FLVCR2: variants seen among roughly 807,000 people sequenced by gnomAD.
FLVCR2 encodes choline/ethanolamine transporter FLVCR2.
In FLVCR2, 38 loss-of-function variants were observed where a neutral mutation model predicts 48.9. The ratio of observed to expected loss-of-function variants is 0.78; its 90% CI spans 0.60 to 1.02. FLVCR2 has a LOEUF of 1.02. Ranked by LOEUF, FLVCR2 falls within the 50% of genes least tolerant of loss-of-function variation. The pLI, the probability that FLVCR2 is intolerant of heterozygous loss-of-function variation, is 0.00. For synonymous variants in FLVCR2, 255 were observed against 257.0 expected, an observed-to-expected ratio of 0.99 and a Z score of 0.07; for missense variants, 664 against 663.3, an observed-to-expected ratio of 1.00 and a Z score of -0.01.
In FLVCR2 at chr14:75,635,341, C is replaced by T. The variant is rs527345260; in HGVS notation, c.1124+328C>T. On this transcript the variant is annotated intron_variant, in intron 5 of 9. Coordinates refer to ENST00000238667, the MANE Select transcript of FLVCR2 (RefSeq NM_017791.3). ...AATGAATGGGGAAAAAAAATCTCAG[C>T]GGTGGAAAATTTGTGGAAACCCCAA... Among the ~76,000 whole-genome samples the T allele has an allele frequency of 1.4e-4, 22 of 152,148 alleles. No homozygotes were observed. The South Asian group carries it at 3.9e-3, about 27-fold the overall frequency.
rs1180613546 is a variant in FLVCR2 at position 75,614,762 on chromosome 14, T to C, written c.670-7317T>C. On this transcript the variant is annotated intron_variant, in intron 1 of 9. Transcript: ENST00000238667. ...TAATTGACTCACTGCTCCAAATGGC[T>C]AGGGAGGCCTCAGGAAACTTACAAT... is the stretch of plus-strand genomic sequence containing the variant. Among the ~76,000 whole-genome samples, 8 of 152,156 alleles carry C rather than the reference T, an allele frequency of 5.3e-5. 1 individual carries two copies. In the South Asian group the frequency reaches 1.4e-3, roughly 28 times the overall value.
At chr14:75,610,593 A>G (rs1594801339) in intron 1 of FLVCR2, among the ~76,000 whole-genome samples, 1 of 152,314 alleles carries the variant, frequency 6.6e-6, no homozygotes, top group East Asian at 1.9e-4. Context: ...AGGAAACCCA[A>G]CACCAAGGCT....
chr14:75,632,392 G>A (rs934208031), intron 3 of FLVCR2, among the ~76,000 whole-genome samples: 2 of 152,138 alleles, frequency 1.3e-5, no homozygotes, highest in Non-Finnish European at 2.9e-5. Context: ...ATTCATTCTT[G>A]TGGGAAGCCA....
At chr14:75,599,835 G>A (rs1358894207) in intron 1 of FLVCR2, among the ~76,000 whole-genome samples, 1 of 152,202 alleles carries the variant, frequency 6.6e-6, no homozygotes, top group Non-Finnish European at 1.5e-5. Context: ...TTCATCAAGG[G>A]TGTCAAGACC....
At chr14:75,646,302 T>C (rs1405463223) in intron 9 of FLVCR2, 99 bp from the exon 10 acceptor site, 5 of 814,584 alleles carry the variant, frequency 6.1e-6, no homozygotes, top group Non-Finnish European at 1.1e-5. Context: ...CCCCGGCTCT[T>C]GTATTCCCCA....
At chr14:75,589,041 G>A (rs1374771064) in intron 1 of FLVCR2, among the ~76,000 whole-genome samples, 1 of 151,572 alleles carries the variant, frequency 6.6e-6, no homozygotes, top group Non-Finnish European at 1.5e-5. Context: ...GAACCAGCCT[G>A]GACAACATTT....
chr14:75,580,735 T>C (rs899853752), intron 1 of FLVCR2, among the ~76,000 whole-genome samples: 6 of 152,142 alleles, frequency 3.9e-5, no homozygotes, highest in Admixed American at 3.9e-4. Flanking sequence ...AGAGCCTTCT[T>C]AAGGGTGGGG....
intron 1 of FLVCR2, among the ~76,000 whole-genome samples, chr14:75,615,790 C>A (rs540292316): frequency 6.7e-6 from 1 of 148,192 alleles, no homozygotes; most frequent in East Asian, 1.9e-4. Context: ...GAGGCCGAGG[C>A]GGGCGGATCA....
At chr14:75,628,694 G>A (rs1159472652) in intron 3 of FLVCR2, among the ~76,000 whole-genome samples, 1 of 152,138 alleles carries the variant, frequency 6.6e-6, no homozygotes, top group Non-Finnish European at 1.5e-5. Flanking sequence ...GAAATGGGAG[G>A]TCTGAGTTTT....
chr14:75,644,050 A>AAG (rs1348502662), intron 9 of FLVCR2, among the ~76,000 whole-genome samples: 2 of 151,584 alleles, frequency 1.3e-5, no homozygotes, highest in South Asian at 4.2e-4. Flanking sequence ...AAAAAAAAAA[A>AAG]AGAGAGAGAG....
chr14:75,622,026 T>C (rs1889779547), intron 1 of FLVCR2, 53 bp from the exon 2 acceptor site: 2 of 1,581,564 alleles, frequency 1.3e-6, no homozygotes, highest in Non-Finnish European at 1.7e-6. Context: ...ACATTTGTGT[T>C]GTCACCTCTT....
chr14:75,597,107 C>A (rs1039051162), intron 1 of FLVCR2, among the ~76,000 whole-genome samples: 14 of 151,584 alleles, frequency 9.2e-5, no homozygotes, highest in African/African-American at 3.4e-4. Flanking sequence ...CATAGTGAGA[C>A]CCTGTCTCCA....
chr14:75,597,453 A>T (rs966134257), intron 1 of FLVCR2, among the ~76,000 whole-genome samples: 2 of 152,198 alleles, frequency 1.3e-5, no homozygotes, highest in African/African-American at 4.8e-5. Flanking sequence ...TTAGCCCAGA[A>T]CTTCCAGAAG....
At chr14:75,618,232 T>TGA (rs1889665834) in intron 1 of FLVCR2, among the ~76,000 whole-genome samples, 1 of 152,114 alleles carries the variant, frequency 6.6e-6, no homozygotes, top group Non-Finnish European at 1.5e-5. Context: ...AGTCATACTT[T>TGA]TTCAGAGGCC....
At chr14:75,603,667 G>A (rs1889219729) in intron 1 of FLVCR2, among the ~76,000 whole-genome samples, 1 of 152,170 alleles carries the variant, frequency 6.6e-6, no homozygotes, top group Admixed American at 6.6e-5. Context: ...TAAGCTAAAG[G>A]AGCGCAGTGT....
At position 75,578,735 on chromosome 14, in the gene FLVCR2, C is replaced by T. The variant is rs1888514669; in HGVS notation, c.-238C>T. 1.7e-6 allele frequency: 1 copy of T among 589,262 alleles called. No individual in the cohort carries two copies. The allele number at this position is 589,262 out of a possible 1,614,324, so 36.5% of individuals were successfully genotyped here. ...CGGAGCCGGCTGCGGCGTGTGCGGC[C>T]GGCCTTGGGACAGCGATCGCCGCGG... On this transcript the variant is annotated 5_prime_UTR_variant, in exon 1 of 10. Coordinates refer to ENST00000238667, the MANE Select transcript of FLVCR2 (RefSeq NM_017791.3).
intron 1 of FLVCR2, chr14:75,605,418 A>T: frequency 6.9e-7 from 1 of 1,446,714 alleles, no homozygotes; most frequent in East Asian, 2.5e-5. Flanking sequence ...TGAGTCATTC[A>T]TAGGTGGGAG....
At position 75,622,089 on chromosome 14, in the gene FLVCR2, C is replaced by A; in HGVS notation, c.680C>A (p.Ala227Glu). 6.2e-7 allele frequency: 1 copy of A among 1,614,110 alleles called. No homozygotes were observed. Among genetic ancestry groups the A allele is most frequent in the Non-Finnish European group, 8.5e-7 (1 of 1,180,030 alleles). The change falls in exon 2 of 10, where the codon GCG becomes GAG. Residue 227 changes from alanine to glutamate, a missense_variant. By Grantham distance (107) the Ala-to-Glu change is moderately radical. Coordinates refer to ENST00000238667, the MANE Select transcript of FLVCR2 (RefSeq NM_017791.3). ...VAVFGNQLGI[A>E]IGFLVPPVLV... ...CTCTGTCTTCTATAGCTTGGAATTG[C>A]GATTGGGTTCTTGGTCCCTCCTGTT...
intron 1 of FLVCR2, among the ~76,000 whole-genome samples, chr14:75,593,661 A>C (rs1365775343): frequency 2.0e-5 from 3 of 152,176 alleles, no homozygotes; most frequent in Admixed American, 6.5e-5. Flanking sequence ...AAATTTCAAC[A>C]TAAGTTTAAG....
Sources: gnomAD v4.1 joint callset for allele counts (sites outside exome capture counted in the v4.1 genomes callset) on GRCh38, gnomAD v4.1.1 for gene constraint, MANE v1.5 for transcripts, NCBI Gene and HGNC (gene_info 2026-07-23, HGNC 2026-07-21) for gene names.